NSUN6: variants seen among roughly 807,000 people sequenced by gnomAD.
NSUN6 encodes the protein NOP2/Sun RNA methyltransferase 6.
Under a neutral mutation model 58.0 loss-of-function variants are expected in NSUN6, and 64 were observed. That is an observed-to-expected ratio of 1.10 (90% CI 0.90 to 1.36). The LOEUF is 1.36. Among genes scored for constraint, NSUN6 ranks in the 40% most tolerant of loss-of-function variants. The probability of loss-of-function intolerance (pLI) is 0.00; values close to 1 mark genes in which losing one functional copy is unlikely to be tolerated. For synonymous variants in NSUN6, 231 were observed against 193.9 expected, an observed-to-expected ratio of 1.19 and a Z score of -1.59; for missense variants, 701 against 550.1, an observed-to-expected ratio of 1.27 and a Z score of -2.74.
chr10:18,551,733 A>G (rs1392010549), intron 9 of NSUN6, 90 bp downstream of exon 9: 1 of 1,109,206 alleles, frequency 9.0e-7, no homozygotes, highest in East Asian at 2.4e-5. Flanking sequence ...GGCTATTGTA[A>G]TGAACGCTGC....
chr10:18,579,621 G>A (rs1431668209), intron 8 of NSUN6, among the ~76,000 whole-genome samples: 1 of 152,136 alleles, frequency 6.6e-6, no homozygotes, highest in African/African-American at 2.4e-5. Context: ...CCTGAGACAT[G>A]TGCCCCAGGT....
At chr10:18,555,066 A>G (rs1273596736) in intron 8 of NSUN6, among the ~76,000 whole-genome samples, 1 of 151,014 alleles carries the variant, frequency 6.6e-6, no homozygotes, top group African/African-American at 2.5e-5. Flanking sequence ...AATGGAATGG[A>G]GTGGAGAATA....
chr10:18,552,350 T>C (rs1419783172), intron 8 of NSUN6, among the ~76,000 whole-genome samples: 1 of 150,964 alleles, frequency 6.6e-6, no homozygotes, highest in Non-Finnish European at 1.5e-5. Context: ...CCCAAGAAAA[T>C]GCCTGTTTGA....
At chr10:18,568,138 T>G (rs1564732689) in intron 8 of NSUN6, among the ~76,000 whole-genome samples, 1 of 151,126 alleles carries the variant, frequency 6.6e-6, no homozygotes, top group Non-Finnish European at 1.5e-5. Context: ...TACATTACAT[T>G]TCTCATGCCA....
intron 4 of NSUN6, 116 bp from the exon 5 acceptor site, chr10:18,614,729 T>C: frequency 2.4e-6 from 1 of 410,868 alleles, no homozygotes; most frequent in Non-Finnish European, 4.2e-6. Context: ...ATGAAGCAGT[T>C]CAAACTTGCT....
intron 2 of NSUN6, among the ~76,000 whole-genome samples, chr10:18,645,405 T>C (rs1052359785): frequency 6.6e-6 from 1 of 152,242 alleles, no homozygotes; most frequent in Non-Finnish European, 1.5e-5. Flanking sequence ...AATTTCATGT[T>C]AGACTTGGGT....
intron 8 of NSUN6, among the ~76,000 whole-genome samples, chr10:18,562,893 G>A (rs2055640593): frequency 6.9e-6 from 1 of 144,298 alleles, no homozygotes; most frequent in African/African-American, 2.6e-5. Context: ...GCATGGAGTG[G>A]AATGGAATGG....
intron 8 of NSUN6, among the ~76,000 whole-genome samples, chr10:18,585,748 A>G (rs1247031220): frequency 6.6e-6 from 1 of 152,138 alleles, no homozygotes; most frequent in Non-Finnish European, 1.5e-5. Context: ...TGGTGACTAT[A>G]CTAATGTATT....
intron 3 of NSUN6, among the ~76,000 whole-genome samples, chr10:18,633,955 G>A (rs1385917884): frequency 1.3e-5 from 2 of 152,218 alleles, no homozygotes; most frequent in African/African-American, 4.8e-5. Context: ...TGAGCCAGCA[G>A]AGAAGATTTG....
intron 7 of NSUN6, among the ~76,000 whole-genome samples, chr10:18,591,672 C>T (rs1255144499): frequency 1.3e-5 from 2 of 152,138 alleles, no homozygotes; most frequent in African/African-American, 4.8e-5. Flanking sequence ...TTCAACATCC[C>T]TTCATGTTAA....
chr10:18,585,985 T>C lies in NSUN6; in HGVS notation c.886A>G (p.Lys296Glu), dbSNP rs2057118682. The C allele has an allele frequency of 3.7e-6, 6 of 1,610,716 alleles. No homozygotes were observed. Among genetic ancestry groups the C allele is most frequent in the Non-Finnish European group, 5.1e-6 (6 of 1,179,182 alleles). ...TCCACCATATCAAGTTTAACCGCCT[T>C]TGTTCCATCAAAACAAAATGCCCTG... ...SIRAFCFDGT[K>E]AVKLDMVEDT... The change falls in exon 8 of 11, where the codon AAG becomes GAG. Residue 296 changes from lysine (K) to glutamate (E), a missense_variant. Transcript: ENST00000377304.
intron 3 of NSUN6, among the ~76,000 whole-genome samples, chr10:18,639,646 G>C (rs1017672471): frequency 1.3e-5 from 2 of 149,118 alleles, no homozygotes; most frequent in African/African-American, 4.8e-5. Flanking sequence ...CTCACCATTT[G>C]TATTTATACA....
chr10:18,640,725 A>C (rs2059366291), intron 3 of NSUN6, among the ~76,000 whole-genome samples: 1 of 152,174 alleles, frequency 6.6e-6, no homozygotes. Context: ...CTAAACATTT[A>C]AGATCTCTTC....
chr10:18,564,158 T>C (rs1266109905), intron 8 of NSUN6, among the ~76,000 whole-genome samples: 1 of 151,546 alleles, frequency 6.6e-6, no homozygotes, highest in Non-Finnish European at 1.5e-5. Flanking sequence ...TCCATTACAG[T>C]CCATTCCATT....
intron 8 of NSUN6, among the ~76,000 whole-genome samples, chr10:18,583,725 ATTC>A (rs1198480207): frequency 6.6e-6 from 1 of 152,208 alleles, no homozygotes; most frequent in African/African-American, 2.4e-5. Context: ...TGAAAGTACA[ATTC>A]TTAAAAATTC....
At chr10:18,625,214 C>T (rs868531277) in intron 3 of NSUN6, among the ~76,000 whole-genome samples, 1 of 152,126 alleles carries the variant, frequency 6.6e-6, no homozygotes, top group Non-Finnish European at 1.5e-5. Flanking sequence ...TGACCGTATG[C>T]TAGGTTCTGT....
intron 6 of NSUN6, among the ~76,000 whole-genome samples, chr10:18,598,573 T>C (rs1349550928): frequency 6.6e-6 from 1 of 151,942 alleles, no homozygotes; most frequent in Admixed American, 6.6e-5. Context: ...CTGGGCTCAA[T>C]CAATCCTCCC....
intron 8 of NSUN6, among the ~76,000 whole-genome samples, chr10:18,556,552 T>A (rs2055038774): frequency 6.8e-6 from 1 of 146,142 alleles, no homozygotes; most frequent in Non-Finnish European, 1.5e-5. Flanking sequence ...TAGAATGAAA[T>A]GGAGAATGGA....
intron 8 of NSUN6, among the ~76,000 whole-genome samples, chr10:18,556,827 C>A (rs1007602590): frequency 7.4e-6 from 1 of 135,940 alleles, no homozygotes; most frequent in African/African-American, 2.8e-5. Flanking sequence ...GAGTGGAATG[C>A]AATGGAGAAT....
Sources: gnomAD v4.1 joint callset for allele counts (sites outside exome capture counted in the v4.1 genomes callset) on GRCh38, gnomAD v4.1.1 for gene constraint, MANE v1.5 for transcripts, NCBI Gene and HGNC (gene_info 2026-07-23, HGNC 2026-07-21) for gene names.